Variants in CCDC28B observed in about 807,000 individuals in gnomAD.
CCDC28B encodes the protein coiled-coil domain containing 28B.
A neutral mutation model predicts 18.7 loss-of-function variants in CCDC28B; 17 were observed. The observed-to-expected ratio is 0.91, with a 90% CI of 0.62 to 1.36. The LOEUF (loss-of-function observed/expected upper bound fraction) is 1.36, where lower values mean the gene tolerates loss of function less well. Ranked by LOEUF, CCDC28B falls within the 40% of genes most tolerant of loss-of-function variation. The pLI, the probability that CCDC28B is intolerant of heterozygous loss-of-function variation, is 0.00. For synonymous variants in CCDC28B, 116 were observed against 105.1 expected, an observed-to-expected ratio of 1.10 and a Z score of -0.64; for missense variants, 213 against 251.7, an observed-to-expected ratio of 0.85 and a Z score of 1.04.
chr1:32,202,237 A>C, intron 2 of CCDC28B, 138 bp downstream of exon 2: 1 of 1,124,422 alleles, frequency 8.9e-7, no homozygotes, highest in Non-Finnish European at 1.3e-6. Flanking sequence ...GAGAACTCAG[A>C]GCTCACTCAG....
chr1:32,200,578 A>AT (rs1292140567), upstream of CCDC28B: 1 of 152,130 alleles, frequency 6.6e-6, no homozygotes, highest in Non-Finnish European at 1.5e-5. Flanking sequence ...CGCTAAGGAG[A>AT]AGGTCACTTT....
intron 2 of CCDC28B, 54 bp from the exon 3 acceptor site, chr1:32,203,825 G>C: frequency 7.1e-7 from 1 of 1,398,604 alleles, no homozygotes; most frequent in Non-Finnish European, 9.5e-7. Flanking sequence ...AAAAGATCGG[G>C]AGGTGCCTGA....
At chr1:32,201,133 G>A (rs1305830610) in intron 1 of CCDC28B, among the ~76,000 whole-genome samples, 2 of 152,134 alleles carry the variant, frequency 1.3e-5, no homozygotes, top group African/African-American at 2.4e-5. Context: ...GGCTTGGGGG[G>A]CGCTGCTGGA....
intron 3 of CCDC28B, 47 bp downstream of exon 3, chr1:32,204,092 G>A (rs1469228676): frequency 6.3e-7 from 1 of 1,588,996 alleles, no homozygotes; most frequent in East Asian, 2.2e-5. Context: ...TAGGGCTGTA[G>A]GGCCCAGTCC....
chr1:32,201,090 G>C (rs1643138173), intron 1 of CCDC28B, among the ~76,000 whole-genome samples: 4 of 146,886 alleles, frequency 2.7e-5, no homozygotes, highest in African/African-American at 1.0e-4. Context: ...CCTGGAATGA[G>C]ACCCCCAGAG....
upstream of CCDC28B, chr1:32,200,334 T>TCTCA (rs1327647679): frequency 3.3e-5 from 5 of 152,438 alleles, no homozygotes; most frequent in African/African-American, 7.2e-5. Flanking sequence ...ATTCTCTCTC[T>TCTCA]CTCACTCACT....
At chr1:32,198,391 G>C (rs989392949), upstream of CCDC28B, 1 of 152,292 alleles carries the variant, frequency 6.6e-6, no homozygotes, top group Non-Finnish European at 1.5e-5. Context: ...CGCCCATGGT[G>C]GTTCCCTGGT....
intron 4 of CCDC28B, 108 bp downstream of exon 4, chr1:32,204,487 A>G: frequency 6.6e-7 from 1 of 1,514,112 alleles, no homozygotes; most frequent in Non-Finnish European, 8.8e-7. Flanking sequence ...GAGTGCATGG[A>G]TCCAAGAGCT....
chr1:32,204,134 T>TCCAGGGTTCCAGGAC, intron 3 of CCDC28B, 52 bp from the exon 4 acceptor site: 1 of 1,608,096 alleles, frequency 6.2e-7, no homozygotes, highest in African/African-American at 1.3e-5. Flanking sequence ...GGTTCCAGGG[T>TCCAGGGTTCCAGGAC]TCCAGGGTTC....
Position 32,200,618 on chromosome 1 carries a change from C to A in CCDC28B, c.-115C>A. 6.6e-6 allele frequency: 1 copy of A among 152,384 alleles called. No homozygotes were observed. 9.4% of individuals were successfully genotyped at this position (152,384 alleles called of 1,614,324 possible). On this transcript the variant is annotated 5_prime_UTR_variant, in exon 1 of 6. Coordinates refer to ENST00000373602, the MANE Select transcript of CCDC28B (RefSeq NM_024296.5). ...TTAAATGCAAATGAACTCCCTCCAG[C>A]TTAGCTTTCACCCGGTGGTGTTCCC...
chr1:32,201,154 C>G (rs1643139848), intron 1 of CCDC28B, among the ~76,000 whole-genome samples: 1 of 152,150 alleles, frequency 6.6e-6, no homozygotes, highest in South Asian at 2.1e-4. Flanking sequence ...CCGGGGACCT[C>G]GGAGCAGCCC....
intron 1 of CCDC28B, among the ~76,000 whole-genome samples, 163 bp downstream of exon 1, chr1:32,200,872 A>C (rs1643132246): frequency 6.6e-6 from 1 of 152,154 alleles, no homozygotes; most frequent in Admixed American, 6.5e-5. Flanking sequence ...CCTGGGGAGC[A>C]CAGGCTCCGG....
At chr1:32,203,729 T>A (rs1303953717) in intron 2 of CCDC28B, 150 bp from the exon 3 acceptor site, 1 of 554,298 alleles carries the variant, frequency 1.8e-6, no homozygotes, top group Non-Finnish European at 2.9e-6. Context: ...AGGGGAACCA[T>A]AAAGTTACCC....
At chr1:32,199,229 C>T (rs1033230359), upstream of CCDC28B, among the ~76,000 whole-genome samples, 2 of 152,208 alleles carry the variant, frequency 1.3e-5, no homozygotes, top group Non-Finnish European at 2.9e-5. Context: ...ACCTGCCCTT[C>T]CCTCCAGGCC....
chr1:32,204,781 G>A (rs1187896936), intron 5 of CCDC28B, 161 bp downstream of exon 5: 2 of 1,608,762 alleles, frequency 1.2e-6, no homozygotes, highest in Non-Finnish European at 1.7e-6. Flanking sequence ...CAGGAATTTA[G>A]AATTTCCCCA....
At position 32,205,351 on chromosome 1, in the gene CCDC28B, G is replaced by T. The variant is rs1024191862; in HGVS notation, c.*103G>T. 2 of 1,206,730 alleles carry T rather than the reference G, an allele frequency of 1.7e-6. No individual in the cohort carries two copies. Among genetic ancestry groups the T allele is most frequent in the Admixed American group, 5.4e-5 (2 of 36,702 alleles). The allele number at this position is 1,206,730 out of a possible 1,614,324, so 74.8% of individuals were successfully genotyped here. Reference sequence around the variant, plus strand: ...CGGCCCCCCAGGTGCTATGGGGGAGGGGGGCGTTGAATGGAATTAAACCAG... The same window carrying T: ...CGGCCCCCCAGGTGCTATGGGGGAGTGGGGCGTTGAATGGAATTAAACCAG... On this transcript the variant is annotated 3_prime_UTR_variant, in exon 6 of 6. Transcript: ENST00000373602. This position sits in a 1 kb window ranked among gnomAD's most constrained non-coding sequence, Gnocchi z 5.6.
Position 32,204,341 on chromosome 1 carries a change from A to G in CCDC28B, c.487A>G (p.Thr163Ala), listed in dbSNP as rs1368634781. 1 of 1,602,298 alleles carries G rather than the reference A, an allele frequency of 6.2e-7. No individual in the cohort carries two copies. Among genetic ancestry groups the G allele is most frequent in the East Asian group, 2.2e-5 (1 of 44,808 alleles). ...TEGLPEEQKK[T>A]MADRNLDQLL... is the part of the protein sequence containing the mutation. ...GGGGCTGCCAGAGGAGCAGAAGAAG[A>G]CAATGGCTGACCGTAACCTGGACCA... The change falls in exon 4 of 6, where the codon ACA becomes GCA. Residue 163 changes from threonine (T) to alanine (A), a missense_variant. Physicochemically the swap from Thr to Ala is moderately conservative, Grantham distance 58. Coordinates refer to ENST00000373602, the MANE Select transcript of CCDC28B (RefSeq NM_024296.5).
intron 1 of CCDC28B, among the ~76,000 whole-genome samples, 171 bp downstream of exon 1, chr1:32,200,880 C>A (rs1046068612): frequency 2.0e-5 from 3 of 152,162 alleles, no homozygotes; most frequent in Non-Finnish European, 4.4e-5. Flanking sequence ...GCACAGGCTC[C>A]GGCTCCAGTT....
At chr1:32,199,830 A>G (rs1429099223), upstream of CCDC28B, among the ~76,000 whole-genome samples, 1 of 152,224 alleles carries the variant, frequency 6.6e-6, no homozygotes, top group Non-Finnish European at 1.5e-5. Context: ...GTTGTATCAG[A>G]TGCTGTTCTG....
Sources: allele counts gnomAD v4.1 joint callset (sites outside exome capture counted in the v4.1 genomes callset), GRCh38; gene constraint gnomAD v4.1.1; non-coding constraint Gnocchi (gnomAD v3.1); transcripts MANE v1.5; gene names NCBI Gene and HGNC (gene_info 2026-07-23, HGNC 2026-07-21).